The following MICU1 variants were observed in gnomAD, a reference collection of about 807,000 sequenced individuals.
The protein encoded by MICU1 is mitochondrial calcium uptake 1, also known as calcium uptake protein 1, mitochondrial.
In MICU1, 45 loss-of-function variants were observed where a neutral mutation model predicts 56.8. That is an observed-to-expected ratio of 0.79 (90% CI 0.62 to 1.02). MICU1 has a LOEUF of 1.02. Ranked by LOEUF, MICU1 falls within the 50% of genes least tolerant of loss-of-function variation. The pLI is 0.00. For missense variants in MICU1, 504 were observed against 587.1 expected (o/e 0.86, Z 1.46); for synonymous variants, 186 against 195.1 (o/e 0.95, Z 0.39).
At chr10:72,371,040 G>C (rs1170048571) in intron 11 of MICU1, among the ~76,000 whole-genome samples, 1 of 150,086 alleles carries the variant, frequency 6.7e-6, no homozygotes, top group East Asian at 2.0e-4. Flanking sequence ...CAAAAAAAAA[G>C]AAATTGTACT....
At chr10:72,411,566 C>T (rs908688281) in intron 9 of MICU1, among the ~76,000 whole-genome samples, 1 of 151,910 alleles carries the variant, frequency 6.6e-6, no homozygotes, top group Non-Finnish European at 1.5e-5. Flanking sequence ...CTCCTGACCT[C>T]GTGATCCACC....
chr10:72,552,138 G>C (rs1235754021), intron 3 of MICU1, among the ~76,000 whole-genome samples: 1 of 152,168 alleles, frequency 6.6e-6, no homozygotes, highest in Admixed American at 6.5e-5. Flanking sequence ...TGAAGCAACA[G>C]ATTTTTGATT....
At chr10:72,494,825 C>T (rs74148013) in intron 6 of MICU1, among the ~76,000 whole-genome samples, 6,454 of 150,330 alleles carry the variant, frequency 0.043, 387 homozygotes, top group East Asian at 0.19. Context: ...CCAAAAAATA[C>T]ACTTCAGCCC....
At chr10:72,424,861 T>C (rs1864296794) in intron 8 of MICU1, among the ~76,000 whole-genome samples, 1 of 152,192 alleles carries the variant, frequency 6.6e-6, no homozygotes, top group African/African-American at 2.4e-5. Context: ...CTTAGTCACA[T>C]TTAAATGAGA....
chr10:72,523,952 T>G (rs1867896291), intron 5 of MICU1: 1 of 1,401,864 alleles, frequency 7.1e-7, no homozygotes, highest in South Asian at 1.7e-5. Flanking sequence ...GTGTCCCATT[T>G]GTTTCCCCTT....
chr10:72,604,081 A>T (rs1841620190), intron 1 of MICU1, among the ~76,000 whole-genome samples: 1 of 152,140 alleles, frequency 6.6e-6, no homozygotes, highest in Admixed American at 6.6e-5. Context: ...ACACACACAC[A>T]CATCTGCTAA....
At chr10:72,484,274 G>A (rs927567692) in intron 6 of MICU1, among the ~76,000 whole-genome samples, 1 of 151,994 alleles carries the variant, frequency 6.6e-6, no homozygotes, top group African/African-American at 2.4e-5. Context: ...CTTAGTGGGA[G>A]AACAAGACAA....
intron 1 of MICU1, among the ~76,000 whole-genome samples, chr10:72,590,820 AAAAT>A (rs981919942): frequency 7.0e-5 from 10 of 143,350 alleles, no homozygotes; most frequent in Non-Finnish European, 9.4e-5. Context: ...CTCAAAAAAT[AAAAT>A]AAATAAATAA....
chr10:72,390,099 C>T (rs12762148), intron 10 of MICU1, among the ~76,000 whole-genome samples: 78,780 of 151,910 alleles, frequency 0.52, 21,986 homozygotes, highest in Non-Finnish European at 0.65. Context: ...ATGGTTGTTA[C>T]TCTCACATGG....
chr10:72,431,327 G>A (rs1864524653), intron 8 of MICU1, among the ~76,000 whole-genome samples: 2 of 151,964 alleles, frequency 1.3e-5, no homozygotes, highest in African/African-American at 2.4e-5. Context: ...ACAGGGTTTC[G>A]CCATCTTGCC....
chr10:72,406,130 A>T (rs1387161145), intron 10 of MICU1, among the ~76,000 whole-genome samples: 1 of 152,146 alleles, frequency 6.6e-6, no homozygotes, highest in African/African-American at 2.4e-5. Flanking sequence ...AAGTGAATTT[A>T]GCAAAATTAC....
At chr10:72,607,322 C>A (rs995388281) in intron 1 of MICU1, among the ~76,000 whole-genome samples, 1 of 144,176 alleles carries the variant, frequency 6.9e-6, no homozygotes, top group Non-Finnish European at 1.5e-5. Flanking sequence ...GCCTGGGCAA[C>A]AAGAGTGAAA....
intron 3 of MICU1, among the ~76,000 whole-genome samples, chr10:72,555,751 C>G (rs1056001537): frequency 6.6e-6 from 1 of 152,192 alleles, no homozygotes; most frequent in Non-Finnish European, 1.5e-5. Context: ...CCTCTACTTG[C>G]ATGGTAGTCC....
At chr10:72,566,261 G>T (rs986958010) in intron 2 of MICU1, among the ~76,000 whole-genome samples, 5 of 152,164 alleles carry the variant, frequency 3.3e-5, no homozygotes, top group African/African-American at 9.6e-5. Context: ...GGCCAAGCTG[G>T]TCTCAAACTC....
chr10:72,487,857 T>C (rs1564897560), intron 6 of MICU1, among the ~76,000 whole-genome samples: 2 of 152,148 alleles, frequency 1.3e-5, no homozygotes, highest in Non-Finnish European at 2.9e-5. Context: ...TTTTGTTTCT[T>C]AATCTTAAAA....
intron 6 of MICU1, among the ~76,000 whole-genome samples, chr10:72,496,601 T>G (rs1047352887): frequency 4.6e-5 from 7 of 151,896 alleles, no homozygotes; most frequent in African/African-American, 1.7e-4. Context: ...CGTGCCTGAC[T>G]GCCCAGCTAA....
chr10:72,421,015 A>AG (rs1564857501), intron 9 of MICU1, among the ~76,000 whole-genome samples: 2 of 141,160 alleles, frequency 1.4e-5, no homozygotes, highest in African/African-American at 5.1e-5. Flanking sequence ...AAAAAAAAAA[A>AG]AAATAATAAT....
chr10:72,482,948 C>T (rs1405361478), intron 6 of MICU1, among the ~76,000 whole-genome samples: 3 of 151,730 alleles, frequency 2.0e-5, no homozygotes, highest in African/African-American at 7.3e-5. Context: ...CTCCACCTCC[C>T]GTGTTCAAGC....
chr10:72,576,385 TAA>T (rs1840747171), intron 1 of MICU1, among the ~76,000 whole-genome samples: 1 of 152,062 alleles, frequency 6.6e-6, no homozygotes, highest in African/African-American at 2.4e-5. Flanking sequence ...AACATAAGAA[TAA>T]AAGAGTGAAT....
Sources: gnomAD v4.1 joint callset for allele counts (sites outside exome capture counted in the v4.1 genomes callset) on GRCh38, gnomAD v4.1.1 for gene constraint, MANE v1.5 for transcripts, NCBI Gene and HGNC (gene_info 2026-07-23, HGNC 2026-07-21) for gene names.